BIN1: variants seen among roughly 807,000 people sequenced by gnomAD.
BIN1 encodes myc box-dependent-interacting protein 1.
In BIN1, 53 loss-of-function variants were observed where a neutral mutation model predicts 82.0. The ratio of observed to expected loss-of-function variants is 0.65; its 90% confidence interval spans 0.52 to 0.81. The LOEUF is 0.81. Among genes scored for constraint, BIN1 ranks in the 40% least tolerant of loss-of-function variants. The pLI is 0.00. For missense variants in BIN1, 642 were observed against 784.4 expected (o/e 0.82, Z 2.17); for synonymous variants, 302 against 328.0 (o/e 0.92, Z 0.86).
At chr2:127,101,046 G>C (rs554919342) in intron 1 of BIN1, among the ~76,000 whole-genome samples, 1 of 139,608 alleles carries the variant, frequency 7.2e-6, no homozygotes, top group Non-Finnish European at 1.5e-5. Flanking sequence ...GCTTTCTACC[G>C]CACCCAGAGT....
intron 1 of BIN1, among the ~76,000 whole-genome samples, chr2:127,101,773 G>A (rs1680378699): frequency 6.6e-6 from 1 of 152,102 alleles, no homozygotes; most frequent in Non-Finnish European, 1.5e-5. Context: ...TGATTCCCAA[G>A]CCCAAACCCT....
chr2:127,060,751 CAA>C, intron 10 of BIN1: 2 of 1,392,920 alleles, frequency 1.4e-6, no homozygotes, highest in Non-Finnish European at 2.0e-6. Flanking sequence ...GACAAAGGGG[CAA>C]AAGCCTCTCC....
Position 127,067,627 on chromosome 2 carries a change from C to A in BIN1, c.612+536G>T, listed in dbSNP as rs1170771939. On this transcript the variant is annotated intron_variant, in intron 7 of 18. Coordinates refer to ENST00000316724, the MANE Select transcript of BIN1 (RefSeq NM_139343.3). The surrounding 1 kb of genome is among the most constrained non-coding windows in gnomAD (Gnocchi z 4.7). ...AACTCCTCCAGAGTCACCACGGGGACCACAAGTCCGAGGAAAATGACGCAG... is the reference window on the plus strand; with the variant it reads ...AACTCCTCCAGAGTCACCACGGGGAACACAAGTCCGAGGAAAATGACGCAG... Among the ~76,000 whole-genome samples the A allele has an allele frequency of 1.3e-5, 2 of 152,224 alleles. No homozygotes were observed. Among genetic ancestry groups the A allele is most frequent in the Non-Finnish European group, 2.9e-5 (2 of 68,034 alleles).
chr2:127,049,238 C>T (rs1373475911), intron 18 of BIN1, among the ~76,000 whole-genome samples: 1 of 147,158 alleles, frequency 6.8e-6, no homozygotes, highest in Non-Finnish European at 1.5e-5. Flanking sequence ...GGTCACAGAC[C>T]CTACTCATGC....
rs1681266280 is a variant in BIN1, at chr2:127,107,111, C to T, written c.-168G>A. On this transcript the variant is annotated 5_prime_UTR_variant, in exon 1 of 19. Coordinates refer to ENST00000316724, the MANE Select transcript of BIN1 (RefSeq NM_139343.3). The surrounding 1 kb of genome is among the most constrained non-coding windows in gnomAD (Gnocchi z 5.9). ...GGAGGCGGAGCGTGCGCCGGACGGG[C>T]GAGCGAGCCAGCGAGCTAGCCAGCG... The T allele has an allele frequency of 4.3e-6, 3 of 698,396 alleles. No individual in the cohort carries two copies. In the East Asian group the frequency reaches 1.1e-4, roughly 26 times the overall value. 43.3% of individuals were successfully genotyped at this position (698,396 alleles called of 1,614,324 possible).
intron 1 of BIN1, among the ~76,000 whole-genome samples, chr2:127,089,566 A>G (rs6718147): frequency 0.62 from 94,739 of 151,946 alleles, 29,998 homozygotes; most frequent in African/African-American, 0.74. Flanking sequence ...AGGAAGGTGC[A>G]GACACAATGG....
chr2:127,101,006 T>TGGGGGGGG lies in BIN1; in HGVS notation c.84+5853_84+5854insCCCCCCCC, dbSNP rs368156938. On this transcript the variant is annotated intron_variant, in intron 1 of 18. Transcript: ENST00000316724. ...CCCAAGGGTAGGAATGTGCGGGGGGTGGGGATAGACTCAAACTCAGCTGTC... is the reference window on the plus strand; with the variant it reads ...CCCAAGGGTAGGAATGTGCGGGGGGTGGGGGGGGGGGGATAGACTCAAACTCAGCTGTC... 4.6e-5 allele frequency among the ~76,000 whole-genome samples: 5 copies of TGGGGGGGG among 109,214 alleles called. 1 individual carries two copies. The highest frequency in any genetic ancestry group is 1.7e-4 in the African/African-American group (4 of 23,500). 71.6% of individuals were successfully genotyped at this position (109,214 alleles called of 152,430 possible).
intron 1 of BIN1, among the ~76,000 whole-genome samples, chr2:127,077,516 G>A (rs1407877150): frequency 6.6e-6 from 1 of 152,102 alleles, no homozygotes; most frequent in Admixed American, 6.5e-5. Flanking sequence ...GGAGGGCGCT[G>A]GCCAGGACCC....
In BIN1 at chr2:127,057,400, AGAG is replaced by A. The variant is rs755419572; in HGVS notation, c.1131+70_1131+72del. The A allele has an allele frequency of 3.7e-5, 54 of 1,458,426 alleles. No homozygotes were observed. The highest frequency in any genetic ancestry group is 4.4e-5 in the Non-Finnish European group (48 of 1,100,444). 90.3% of individuals were successfully genotyped at this position (1,458,426 alleles called of 1,614,324 possible). ...TTCCTGGCTCTTGAGACAGAAGCAT[AGAG>A]GATGAAGGCCATGCACGCCCTGAGA... On this transcript the variant is annotated intron_variant, in intron 12 of 18. Coordinates refer to ENST00000316724, the MANE Select transcript of BIN1 (RefSeq NM_139343.3). This position sits in a 1 kb window ranked among gnomAD's most constrained non-coding sequence, Gnocchi z 5.0.
chr2:127,062,891 T>C (rs1398443478), intron 9 of BIN1, among the ~76,000 whole-genome samples: 1 of 152,166 alleles, frequency 6.6e-6, no homozygotes, highest in Admixed American at 6.5e-5. Context: ...TACTTAGAAG[T>C]GTGAGTCAGG....
intron 1 of BIN1, among the ~76,000 whole-genome samples, chr2:127,104,486 C>A (rs1341648786): frequency 1.3e-5 from 2 of 152,202 alleles, no homozygotes; most frequent in Non-Finnish European, 2.9e-5. Flanking sequence ...ACGGGCCCTT[C>A]TTCCTACGCC....
Position 127,057,428 on chromosome 2 carries a change from A to G in BIN1, c.1131+45T>C. On this transcript the variant is annotated intron_variant, in intron 12 of 18. Transcript: ENST00000316724. The surrounding 1 kb of genome is among the most constrained non-coding windows in gnomAD (Gnocchi z 5.0). ...GGATGAAGGCCATGCACGCCCTGAG[A>G]GGGCAGGAAGAGAGGAGAGCTGGGC... 3 of 1,521,910 alleles carry G rather than the reference A, an allele frequency of 2.0e-6. No homozygotes were observed. Among genetic ancestry groups the G allele is most frequent in the African/African-American group, 1.4e-5 (1 of 72,438 alleles). The allele number at this position is 1,521,910 out of a possible 1,614,324, so 94.3% of individuals were successfully genotyped here. A position where few individuals can be genotyped will look rare whatever the true frequency, so the allele number is the denominator to read the frequency against.
chr2:127,103,485 C>T (rs1450976744), intron 1 of BIN1, among the ~76,000 whole-genome samples: 1 of 152,176 alleles, frequency 6.6e-6, no homozygotes, highest in Admixed American at 6.5e-5. Flanking sequence ...CACTATCCAG[C>T]CTGCACCCCT....
chr2:127,069,175 C>T (rs1685536094), intron 5 of BIN1, 144 bp from the exon 6 acceptor site: 1 of 741,316 alleles, frequency 1.3e-6, no homozygotes, highest in Non-Finnish European at 2.2e-6. Flanking sequence ...TGGAACCCTC[C>T]TCGTGGCAGA....
chr2:127,052,267 C>A lies in BIN1; in HGVS notation c.1359G>T (p.Pro453=). The change falls in exon 15 of 19, where the codon CCG becomes CCT. Residue 453 remains proline, a synonymous_variant. Coordinates refer to ENST00000316724, the MANE Select transcript of BIN1 (RefSeq NM_139343.3). ...GGTGGGCACTTACTTGGGCAGGCCC[C>A]GGCTCGGCCGTCTGGCTGGGCCAGG... ...AVSWPSQTAE[P]GPAQPAEASE... 1.9e-6 allele frequency: 3 copies of A among 1,574,194 alleles called. No homozygotes were observed. Among genetic ancestry groups the A allele is most frequent in the East Asian group, 2.3e-5 (1 of 42,818 alleles).
chr2:127,068,679 T>C lies in BIN1; in HGVS notation c.519+245A>G, dbSNP rs1035516589. ...AAACCCAGGAGGCCCATTCTCAGGC[T>C]GGCAGGTGGCCTGGATCAGGGCTGA... On this transcript the variant is annotated intron_variant, in intron 6 of 18. Coordinates refer to ENST00000316724, the MANE Select transcript of BIN1 (RefSeq NM_139343.3). This position sits in a 1 kb window ranked among gnomAD's most constrained non-coding sequence, Gnocchi z 4.9. Among the ~76,000 whole-genome samples the C allele has an allele frequency of 3.3e-5, 5 of 152,116 alleles. No homozygotes were observed. Among genetic ancestry groups the C allele is most frequent in the African/African-American group, 1.2e-4 (5 of 41,436 alleles).
In BIN1 at chr2:127,093,544, T is replaced by C. The variant is rs1034847394; in HGVS notation, c.84+13316A>G. On this transcript the variant is annotated intron_variant, in intron 1 of 18. Coordinates refer to ENST00000316724, the MANE Select transcript of BIN1 (RefSeq NM_139343.3). This position sits in a 1 kb window ranked among gnomAD's most constrained non-coding sequence, Gnocchi z 5.7. ...AGCCGAGCCGACAAGCCTTGCTGGGTTCCCCCTCGGACTATCACCATTAGG... is the reference window on the plus strand; with the variant it reads ...AGCCGAGCCGACAAGCCTTGCTGGGCTCCCCCTCGGACTATCACCATTAGG... 2.6e-5 allele frequency among the ~76,000 whole-genome samples: 4 copies of C among 152,108 alleles called. No individual in the cohort carries two copies. The highest frequency in any genetic ancestry group is 5.9e-5 in the Non-Finnish European group (4 of 68,026).
At chr2:127,071,735 T>C (rs1158419870) in intron 2 of BIN1, among the ~76,000 whole-genome samples, 2 of 152,180 alleles carry the variant, frequency 1.3e-5, no homozygotes, top group African/African-American at 4.8e-5. Flanking sequence ...ACACGGGCTT[T>C]GAGGCCATGC....
In BIN1 at chr2:127,067,442, G is replaced by C. The variant is rs1685291034; in HGVS notation, c.612+721C>G. 6.6e-6 allele frequency among the ~76,000 whole-genome samples: 1 copy of C among 152,214 alleles called. No individual in the cohort carries two copies. Among genetic ancestry groups the C allele is most frequent in the African/African-American group, 2.4e-5 (1 of 41,460 alleles). ...GACCATAGCCTCTATGGCCAGGATGGTGAGATGGCCCAGGAGTTTTGTAAA... is the reference window on the plus strand; with the variant it reads ...GACCATAGCCTCTATGGCCAGGATGCTGAGATGGCCCAGGAGTTTTGTAAA... On this transcript the variant is annotated intron_variant, in intron 7 of 18. Coordinates refer to ENST00000316724, the MANE Select transcript of BIN1 (RefSeq NM_139343.3). The surrounding 1 kb of genome is among the most constrained non-coding windows in gnomAD (Gnocchi z 4.7).
Sources: allele counts gnomAD v4.1 joint callset (sites outside exome capture counted in the v4.1 genomes callset), GRCh38; gene constraint gnomAD v4.1.1; non-coding constraint Gnocchi (gnomAD v3.1); transcripts MANE v1.5; gene names NCBI Gene and HGNC (gene_info 2026-07-23, HGNC 2026-07-21).